EFHC1: variants seen among roughly 807,000 people sequenced by gnomAD.
The protein encoded by EFHC1 is EF-hand domain containing 1.
Under a neutral mutation model 69.9 loss-of-function variants are expected in EFHC1, and 53 were observed. The ratio of observed to expected loss-of-function variants is 0.76; its 90% confidence interval spans 0.61 to 0.95. The LOEUF is 0.95. Ranked by LOEUF, EFHC1 falls within the 40% of genes least tolerant of loss-of-function variation. The pLI is 0.00. For synonymous variants in EFHC1, 256 were observed against 278.4 expected (o/e 0.92, Z 0.80); for missense variants, 739 against 798.7 (o/e 0.93, Z 0.90).
chr6:52,473,878 G>A (rs1339050139), intron 7 of EFHC1, among the ~76,000 whole-genome samples: 2 of 152,058 alleles, frequency 1.3e-5, no homozygotes, highest in African/African-American at 4.8e-5. Flanking sequence ...GTAAAAAAAG[G>A]CAAGCTTCAA....
At position 52,493,069 on chromosome 6, in the gene EFHC1, C is replaced by T. The variant is rs1765946502; in HGVS notation, c.*728C>T. ...GACATGAGTAGAATAAAAAGGCTGA[C>T]CTTTCCCCAGGTAAGAGAATTCCTC... On this transcript the variant is annotated 3_prime_UTR_variant, in exon 11 of 11. Coordinates refer to ENST00000371068, the MANE Select transcript of EFHC1 (RefSeq NM_018100.4). The T allele has an allele frequency of 2.2e-6, 1 of 453,894 alleles. No homozygotes were observed. Among genetic ancestry groups the T allele is most frequent in the African/African-American group, 2.0e-5 (1 of 49,966 alleles). The allele number at this position is 453,894 out of a possible 1,614,324, so 28.1% of individuals were successfully genotyped here. A position where few individuals can be genotyped will look rare whatever the true frequency, so the allele number is the denominator to read the frequency against.
At chr6:52,451,264 G>C (rs1055827657) in intron 3 of EFHC1, among the ~76,000 whole-genome samples, 1 of 152,118 alleles carries the variant, frequency 6.6e-6, no homozygotes, top group Admixed American at 6.5e-5. Context: ...TTTTGTATTG[G>C]CTGGTAATGG....
At chr6:52,441,585 C>G (rs531616361) in intron 3 of EFHC1, among the ~76,000 whole-genome samples, 31 of 152,038 alleles carry the variant, frequency 2.0e-4, no homozygotes, top group Non-Finnish European at 2.6e-4. Flanking sequence ...ACTATTCAGG[C>G]TCTTTTTGGG....
At chr6:52,485,892 A>T (rs1310305603) in intron 9 of EFHC1, 1 of 152,206 alleles carries the variant, frequency 6.6e-6, no homozygotes, top group Non-Finnish European at 1.5e-5. Context: ...ACACAAATGG[A>T]CTACGACATG....
In EFHC1 at chr6:52,438,483, C is replaced by G. The variant is rs1251609115; in HGVS notation, c.465C>G (p.Ala155=). ...AGTTAATAAAACGCCAGCGGCTAGC[C>G]AAGAATGACCGGGGTGACCATTACC... ...QGKLIKRQRL[A]KNDRGDHYHW... Residue 155 remains alanine, a synonymous_variant, in exon 3 of 11, where the codon GCC becomes GCG. Transcript: ENST00000371068. The G allele has an allele frequency of 6.2e-7, 1 of 1,614,006 alleles. No individual in the cohort carries two copies.
chr6:52,425,514 C>A (rs1764283375), intron 2 of EFHC1, among the ~76,000 whole-genome samples: 1 of 151,972 alleles, frequency 6.6e-6, no homozygotes, highest in African/African-American at 2.4e-5. Flanking sequence ...AAATAGGCTT[C>A]CTATTTTTTG....
chr6:52,487,507 C>G (rs899609796), intron 9 of EFHC1: 14 of 152,200 alleles, frequency 9.2e-5, no homozygotes, highest in African/African-American at 3.4e-4. Context: ...ATGTCTTTGT[C>G]CATCTGAGCC....
intron 5 of EFHC1, among the ~76,000 whole-genome samples, chr6:52,455,962 G>C (rs953771893): frequency 6.6e-6 from 1 of 152,020 alleles, no homozygotes; most frequent in South Asian, 2.1e-4. Context: ...GTGCTGTGTA[G>C]GAAAAAATAC....
In EFHC1 at chr6:52,496,229, G is replaced by A. The variant is rs72925235; in HGVS notation, c.*3888G>A. The A allele has an allele frequency of 0.082, 12,524 of 153,654 alleles. 1,094 individuals carry two copies. The highest frequency in any genetic ancestry group is 0.22 in the African/African-American group (9,078 of 40,592). The allele number at this position is 153,654 out of a possible 1,614,324, so 9.5% of individuals were successfully genotyped here. A position where few individuals can be genotyped will look rare whatever the true frequency, so the allele number is the denominator to read the frequency against. On this transcript the variant is annotated 3_prime_UTR_variant, in exon 11 of 11. Transcript: ENST00000371068. ...ACACCCACACACACACACACACAAAGAGAGAATGAGAATTATTAAGATTAG... is the reference window on the plus strand; with the variant it reads ...ACACCCACACACACACACACACAAAAAGAGAATGAGAATTATTAAGATTAG...
At chr6:52,446,324 TTG>T (rs1764785393) in intron 3 of EFHC1, among the ~76,000 whole-genome samples, 2 of 152,246 alleles carry the variant, frequency 1.3e-5, no homozygotes, top group African/African-American at 4.8e-5. Flanking sequence ...ACGACATTCT[TTG>T]TCTCTTTTGA....
chr6:52,482,336 C>A (rs946144356), intron 9 of EFHC1: 3 of 146,980 alleles, frequency 2.0e-5, no homozygotes, highest in African/African-American at 2.5e-5. Flanking sequence ...GAGCAAGTCT[C>A]CGTCTCAAAA....
chr6:52,489,984 A>G (rs1183155829), intron 9 of EFHC1, among the ~76,000 whole-genome samples, 156 bp from the exon 10 acceptor site: 1 of 152,238 alleles, frequency 6.6e-6, no homozygotes, highest in Non-Finnish European at 1.5e-5. Flanking sequence ...GAGGTCAGCT[A>G]TCGGCCTGTG....
intron 9 of EFHC1, chr6:52,482,694 TGA>T (rs923359906): frequency 1.4e-4 from 57 of 397,342 alleles, no homozygotes; most frequent in Non-Finnish European, 2.3e-4. Flanking sequence ...GAAATATCTC[TGA>T]GAGTTCTTTT....
intron 7 of EFHC1, among the ~76,000 whole-genome samples, chr6:52,472,768 A>G (rs1765467016): frequency 1.3e-5 from 2 of 151,582 alleles, no homozygotes; most frequent in Admixed American, 6.6e-5. Context: ...TGTAACACCT[A>G]GGTGTTACAT....
At chr6:52,465,563 T>C (rs1765286268) in intron 6 of EFHC1, among the ~76,000 whole-genome samples, 1 of 152,004 alleles carries the variant, frequency 6.6e-6, no homozygotes, top group Non-Finnish European at 1.5e-5. Flanking sequence ...ATCCAGCACT[T>C]TGGGAGGCCA....
At chr6:52,465,698 T>C (rs1225123024) in intron 6 of EFHC1, among the ~76,000 whole-genome samples, 1 of 151,378 alleles carries the variant, frequency 6.6e-6, no homozygotes, top group Admixed American at 6.6e-5. Context: ...TCCCAGCTCC[T>C]CGGGAGGCTG....
At chr6:52,423,059 G>A (rs1189633070) in intron 1 of EFHC1, among the ~76,000 whole-genome samples, 1 of 152,078 alleles carries the variant, frequency 6.6e-6, no homozygotes, top group Non-Finnish European at 1.5e-5. Context: ...GCAGCTTCAG[G>A]CATATAGTTC....
intron 2 of EFHC1, among the ~76,000 whole-genome samples, chr6:52,430,899 G>A (rs1438118630): frequency 6.6e-6 from 1 of 152,042 alleles, no homozygotes; most frequent in South Asian, 2.1e-4. Context: ...TCTGTTCAGG[G>A]TATCTAATTC....
Position 52,454,300 on chromosome 6 carries a change from C to G in EFHC1, c.916+13C>G. On this transcript the variant is annotated intron_variant, in intron 5 of 10. Coordinates refer to ENST00000371068, the MANE Select transcript of EFHC1 (RefSeq NM_018100.4). ...GTGGAAAATGCAAGTATGTTTGATT[C>G]AGTTTATTCTCTGTTACTTGGGATG... The G allele has an allele frequency of 6.2e-7, 1 of 1,613,816 alleles. No individual in the cohort carries two copies. The highest frequency in any genetic ancestry group is 8.5e-7 in the Non-Finnish European group (1 of 1,179,832).
Sources: allele counts gnomAD v4.1 joint callset (sites outside exome capture counted in the v4.1 genomes callset), GRCh38; gene constraint gnomAD v4.1.1; transcripts MANE v1.5; gene names NCBI Gene and HGNC (gene_info 2026-07-23, HGNC 2026-07-21).